The following HS6ST3 variants were observed in gnomAD, a reference collection of about 807,000 sequenced individuals.
HS6ST3 encodes the protein heparan sulfate 6-O-sulfotransferase 3, also known as heparan-sulfate 6-O-sulfotransferase 3.
A neutral mutation model predicts 36.7 loss-of-function variants in HS6ST3; 12 were observed. The ratio of observed to expected loss-of-function variants is 0.33; its 90% CI spans 0.21 to 0.53. The LOEUF (loss-of-function observed/expected upper bound fraction) is 0.53. Among genes scored for constraint, HS6ST3 ranks in the 20% least tolerant of loss-of-function variants. HS6ST3 has a pLI of 0.95. For missense variants in HS6ST3, 584 were observed against 640.9 expected (o/e 0.91, Z 0.96); for synonymous variants, 240 against 257.5 (o/e 0.93, Z 0.65).
Position 96,226,956 on chromosome 13 carries a change from T to C in HS6ST3, c.707+135387T>C, listed in dbSNP as rs576418622. On this transcript the variant is annotated intron_variant, in intron 1 of 1. Coordinates refer to ENST00000376705, the MANE Select transcript of HS6ST3 (RefSeq NM_153456.4). ...GTCTTGGTGCTCCATCGTGATGTTA[T>C]CTGGCTAGTGTGCTGCATAAATATT... 1.1e-4 allele frequency among the ~76,000 whole-genome samples: 17 copies of C among 152,364 alleles called. No individual in the cohort carries two copies. In the East Asian group the frequency reaches 3.3e-3, roughly 29 times the overall value.
intron 1 of HS6ST3, among the ~76,000 whole-genome samples, chr13:96,802,280 A>G (rs1379059859): frequency 6.6e-6 from 1 of 152,198 alleles, no homozygotes; most frequent in Non-Finnish European, 1.5e-5. Context: ...GGGCTGGGTC[A>G]GAATGAAAGA....
chr13:96,707,191 A>G (rs1347265890), intron 1 of HS6ST3, among the ~76,000 whole-genome samples: 1 of 152,108 alleles, frequency 6.6e-6, no homozygotes, highest in Non-Finnish European at 1.5e-5. Flanking sequence ...TAGGCCACAA[A>G]AGTGGAGTCT....
chr13:96,723,821 C>A (rs1404311477), intron 1 of HS6ST3, among the ~76,000 whole-genome samples: 1 of 152,188 alleles, frequency 6.6e-6, no homozygotes, highest in Non-Finnish European at 1.5e-5. Context: ...TTATTTCCTG[C>A]AGGCTCTTAA....
chr13:96,104,276 A>G (rs1342764394), intron 1 of HS6ST3, among the ~76,000 whole-genome samples: 1 of 152,192 alleles, frequency 6.6e-6, no homozygotes, highest in Non-Finnish European at 1.5e-5. Context: ...TACTGGCAGA[A>G]TAATTTTTGC....
At chr13:96,378,990 G>A (rs781318844) in intron 1 of HS6ST3, among the ~76,000 whole-genome samples, 1 of 152,126 alleles carries the variant, frequency 6.6e-6, no homozygotes, top group Non-Finnish European at 1.5e-5. Context: ...ACAGCACTGT[G>A]CCTCACTCTC....
intron 1 of HS6ST3, among the ~76,000 whole-genome samples, chr13:96,660,021 T>C (rs1344729126): frequency 6.6e-6 from 1 of 152,132 alleles, no homozygotes; most frequent in African/African-American, 2.4e-5. Context: ...ACTTAATCCT[T>C]TAAGGCTTGC....
chr13:96,405,196 G>T (rs1190117059), intron 1 of HS6ST3, among the ~76,000 whole-genome samples: 1 of 152,076 alleles, frequency 6.6e-6, no homozygotes, highest in Non-Finnish European at 1.5e-5. Flanking sequence ...GCCAAAGTTT[G>T]CATGTTTATT....
At chr13:96,680,019 G>A (rs1401921295) in intron 1 of HS6ST3, among the ~76,000 whole-genome samples, 1 of 152,060 alleles carries the variant, frequency 6.6e-6, no homozygotes, top group African/African-American at 2.4e-5. Context: ...GAAGTGGAAG[G>A]CCACTCTGGG....
chr13:96,697,137 A>G (rs1270405441), intron 1 of HS6ST3, among the ~76,000 whole-genome samples: 1 of 151,752 alleles, frequency 6.6e-6, no homozygotes, highest in African/African-American at 2.4e-5. Flanking sequence ...AAAAGTACCC[A>G]TGGAGATTTT....
chr13:96,340,428 A>G (rs1407310930), intron 1 of HS6ST3, among the ~76,000 whole-genome samples: 4 of 152,260 alleles, frequency 2.6e-5, no homozygotes, highest in African/African-American at 9.6e-5. Flanking sequence ...ACGGATGATA[A>G]TAATCCCTGT....
intron 1 of HS6ST3, among the ~76,000 whole-genome samples, chr13:96,638,916 GT>G (rs1420361564): frequency 6.6e-6 from 1 of 151,846 alleles, no homozygotes; most frequent in Non-Finnish European, 1.5e-5. Context: ...CATCCATTGA[GT>G]TTTAATTCAT....
intron 1 of HS6ST3, among the ~76,000 whole-genome samples, chr13:96,222,278 A>T (rs1212345974): frequency 6.6e-6 from 1 of 152,242 alleles, no homozygotes; most frequent in African/African-American, 2.4e-5. Flanking sequence ...AATAAAAAAA[A>T]GCCTTGAAAT....
intron 1 of HS6ST3, among the ~76,000 whole-genome samples, chr13:96,831,954 CAAAAAAAAAAAAA>C (rs35266831): frequency 5.5e-4 from 12 of 21,858 alleles, no homozygotes; most frequent in African/African-American, 2.0e-3. Flanking sequence ...GACTCCCTCT[CAAAAAAAAAAAAA>C]AAAAAAAAAA....
chr13:96,501,787 A>G (rs1298474975), intron 1 of HS6ST3, among the ~76,000 whole-genome samples: 3 of 152,282 alleles, frequency 2.0e-5, no homozygotes, highest in Admixed American at 6.5e-5. Context: ...CCTATAAAAC[A>G]TCAAATGAAT....
chr13:96,154,126 T>G (rs976037348), intron 1 of HS6ST3, among the ~76,000 whole-genome samples: 6 of 151,760 alleles, frequency 4.0e-5, no homozygotes, highest in African/African-American at 1.5e-4. Context: ...AATGAGGTGA[T>G]TAATATTAAT....
chr13:96,399,916 CT>C (rs1566349678), intron 1 of HS6ST3, among the ~76,000 whole-genome samples: 1 of 152,198 alleles, frequency 6.6e-6, no homozygotes, highest in Admixed American at 6.5e-5. Context: ...CCTCAGTGAT[CT>C]GGTCTAATTT....
chr13:96,634,741 A>G (rs576501051), intron 1 of HS6ST3, among the ~76,000 whole-genome samples: 1 of 152,124 alleles, frequency 6.6e-6, no homozygotes, highest in East Asian at 1.9e-4. Context: ...TATTCTCATC[A>G]TTTGCAGAGG....
Position 96,746,402 on chromosome 13 carries a change from C to A in HS6ST3, c.708-86088C>A, listed in dbSNP as rs1172545670. ...AATAACAGTTATATTCATTTCTCCC[C>A]AAATTCTAAAGGTGTAAAGAAGGAT... On this transcript the variant is annotated intron_variant, in intron 1 of 1. Transcript: ENST00000376705. Among the ~76,000 whole-genome samples, 7 of 151,896 alleles carry A rather than the reference C, an allele frequency of 4.6e-5. 1 individual carries two copies. Among genetic ancestry groups the A allele is most frequent in the Admixed American group, 2.0e-4 (3 of 15,212 alleles).
At position 96,832,508 on chromosome 13, in the gene HS6ST3, A is replaced by T. The variant is rs766170482; in HGVS notation, c.726A>T (p.Thr242=). Residue 242 remains threonine, a synonymous_variant, in exon 2 of 2, where the codon ACA becomes ACT. Transcript: ENST00000376705. ...CTTCTAGGAATTTCTATTACATCAC[A>T]ATGTTACGGGATCCAGTGTCACGTT... The part of the protein sequence containing the change: ...HSHTRNFYYI[T]MLRDPVSRYL... 6.4e-7 allele frequency: 1 copy of T among 1,573,082 alleles called. No individual in the cohort carries two copies. The highest frequency in any genetic ancestry group is 1.9e-5 in the Admixed American group (1 of 52,946).
Sources: allele counts gnomAD v4.1 joint callset (sites outside exome capture counted in the v4.1 genomes callset), GRCh38; gene constraint gnomAD v4.1.1; transcripts MANE v1.5; gene names NCBI Gene and HGNC (gene_info 2026-07-23, HGNC 2026-07-21).